The following RCOR1 variants were observed in gnomAD, a reference collection of about 807,000 sequenced individuals.
RCOR1 encodes the protein REST corepressor 1.
RCOR1 carries 12 observed loss-of-function variants against 64.0 expected under a neutral mutation model. The observed-to-expected ratio is 0.19, with a 90% CI of 0.12 to 0.30. The LOEUF (loss-of-function observed/expected upper bound fraction) is 0.30. RCOR1 is among the 10% of genes least tolerant of loss of function. The pLI, the probability that RCOR1 is intolerant of heterozygous loss-of-function variation, is 1.00. For missense variants in RCOR1, 502 were observed against 621.2 expected, an observed-to-expected ratio of 0.81 and a Z score of 2.04; for synonymous variants, 279 against 227.2, an observed-to-expected ratio of 1.23 and a Z score of -2.05.
intron 7 of RCOR1, among the ~76,000 whole-genome samples, chr14:102,713,702 A>T (rs1013052412): frequency 6.6e-6 from 1 of 152,188 alleles, no homozygotes; most frequent in Non-Finnish European, 1.5e-5. Flanking sequence ...ATATTTTTGT[A>T]TTACCCACTT....
intron 8 of RCOR1, among the ~76,000 whole-genome samples, chr14:102,715,293 G>A (rs968411120): frequency 4.6e-5 from 7 of 150,578 alleles, no homozygotes; most frequent in East Asian, 2.0e-4. Context: ...GGATGGTCTC[G>A]ATCTCCTGAT....
intron 8 of RCOR1, among the ~76,000 whole-genome samples, chr14:102,715,375 T>C (rs1896049526): frequency 6.7e-6 from 1 of 149,090 alleles, no homozygotes; most frequent in Non-Finnish European, 1.5e-5. Flanking sequence ...CCGGCCCTGA[T>C]TTTTTTTAAT....
chr14:102,691,228 A>G (rs1340271104), intron 3 of RCOR1, among the ~76,000 whole-genome samples: 1 of 152,220 alleles, frequency 6.6e-6, no homozygotes, highest in Non-Finnish European at 1.5e-5. Flanking sequence ...AATACCACAT[A>G]TTCTCACTTA....
intron 2 of RCOR1, among the ~76,000 whole-genome samples, chr14:102,664,075 C>T (rs1215212860): frequency 6.6e-6 from 1 of 152,138 alleles, no homozygotes; most frequent in Non-Finnish European, 1.5e-5. Flanking sequence ...ATTAGCTGAA[C>T]TCAGATTACT....
At chr14:102,722,469 C>T in intron 11 of RCOR1, 53 bp downstream of exon 11, 1 of 1,432,398 alleles carries the variant, frequency 7.0e-7, no homozygotes, top group Admixed American at 1.9e-5. Context: ...GCTTGATACT[C>T]CAGTTTCTAA....
At chr14:102,664,192 G>A (rs747459741) in intron 2 of RCOR1, among the ~76,000 whole-genome samples, 22 of 152,022 alleles carry the variant, frequency 1.4e-4, no homozygotes, top group South Asian at 4.1e-4. Flanking sequence ...GTCAACCTCC[G>A]CCTCCTGGGT....
chr14:102,698,982 G>C (rs1043888049), intron 3 of RCOR1, among the ~76,000 whole-genome samples: 6 of 151,848 alleles, frequency 4.0e-5, no homozygotes, highest in Admixed American at 1.3e-4. Context: ...TCAGTGGCAC[G>C]ATCTTGGCTC....
At chr14:102,682,921 G>A (rs145537993) in intron 3 of RCOR1, among the ~76,000 whole-genome samples, 1 of 152,114 alleles carries the variant, frequency 6.6e-6, no homozygotes, top group Non-Finnish European at 1.5e-5. Flanking sequence ...GTTCACTCCT[G>A]GGTCATAATC....
At chr14:102,624,078 C>T (rs1893930103) in intron 2 of RCOR1, among the ~76,000 whole-genome samples, 1 of 152,088 alleles carries the variant, frequency 6.6e-6, no homozygotes, top group African/African-American at 2.4e-5. Flanking sequence ...CACCTGTAGT[C>T]CCAGCTACTT....
chr14:102,693,985 A>G (rs1895593667), intron 3 of RCOR1, among the ~76,000 whole-genome samples: 1 of 152,088 alleles, frequency 6.6e-6, no homozygotes. Flanking sequence ...AGTGTGAGCC[A>G]CTGCATCTGG....
Position 102,707,666 on chromosome 14 carries a change from G to A in RCOR1, c.660+154G>A, listed in dbSNP as rs529016433. ...TCAGCTTAGTACATGCTGCTCTGTG[G>A]ATGGGAGTTTTCCAGTTACAGGAGT... On this transcript the variant is annotated intron_variant, in intron 5 of 11. Coordinates refer to ENST00000262241, the MANE Select transcript of RCOR1 (RefSeq NM_015156.4). 9.8e-4 allele frequency among the ~76,000 whole-genome samples: 149 copies of A among 152,168 alleles called. 2 individuals are homozygous for A. In the South Asian group the frequency reaches 0.028, roughly 29 times the overall value.
chr14:102,657,973 A>C lies in RCOR1; in HGVS notation c.362-23922A>C, dbSNP rs114146216. 2.1e-3 allele frequency: 2,054 copies of C among 956,800 alleles called. 35 individuals carry two copies. The African/African-American group carries it at 0.033, about 16-fold the overall frequency. The allele number at this position is 956,800 out of a possible 1,614,324, so 59.3% of individuals were successfully genotyped here. A position where few individuals can be genotyped will look rare whatever the true frequency, so the allele number is the denominator to read the frequency against. On this transcript the variant is annotated intron_variant, in intron 2 of 11. Coordinates refer to ENST00000262241, the MANE Select transcript of RCOR1 (RefSeq NM_015156.4). The stretch of plus-strand genomic sequence containing the variant: ...GTGTTCTTTTTAATTTAATTTAATT[A>C]ATTTTTATTTATTTATTTTGAGACA...
At chr14:102,695,782 C>A (rs566758076) in intron 3 of RCOR1, among the ~76,000 whole-genome samples, 1 of 150,228 alleles carries the variant, frequency 6.7e-6, no homozygotes, top group African/African-American at 2.5e-5. Flanking sequence ...AACTCCTGAC[C>A]TTGTGATCCA....
intron 2 of RCOR1, chr14:102,659,087 G>A (rs933738923): frequency 3.1e-6 from 3 of 978,678 alleles, no homozygotes; most frequent in Non-Finnish European, 3.6e-6. Context: ...ATTCTCCCAC[G>A]AGGAAGCTGC....
At chr14:102,672,365 A>T (rs1895048581) in intron 2 of RCOR1, among the ~76,000 whole-genome samples, 1 of 151,692 alleles carries the variant, frequency 6.6e-6, no homozygotes, top group African/African-American at 2.4e-5. Context: ...GCCCGCCACC[A>T]CACCCAGCTA....
intron 4 of RCOR1, among the ~76,000 whole-genome samples, chr14:102,705,092 C>A (rs1368063030): frequency 6.6e-6 from 1 of 151,914 alleles, no homozygotes; most frequent in Non-Finnish European, 1.5e-5. Context: ...TGTCATTGCA[C>A]TCTAGATCAC....
chr14:102,608,982 CTATT>C (rs1567406134), intron 2 of RCOR1, among the ~76,000 whole-genome samples: 1 of 142,282 alleles, frequency 7.0e-6, no homozygotes, highest in Non-Finnish European at 1.5e-5. Context: ...GGGTATATAT[CTATT>C]AGTGGAATTG....
chr14:102,677,057 G>T (rs1316113263), intron 2 of RCOR1, among the ~76,000 whole-genome samples: 2 of 119,516 alleles, frequency 1.7e-5, no homozygotes, highest in African/African-American at 3.5e-5. Flanking sequence ...CCTCCCGGAC[G>T]GGGCGGCTGG....
At position 102,708,447 on chromosome 14, in the gene RCOR1, C is replaced by G. The variant is rs775703898; in HGVS notation, c.661-18C>G. The G allele has an allele frequency of 4.0e-5, 52 of 1,294,814 alleles. No individual in the cohort carries two copies. In the Middle Eastern group the frequency reaches 5.6e-4, roughly 14 times the overall value. 80.2% of individuals were successfully genotyped at this position (1,294,814 alleles called of 1,614,324 possible). On this transcript the variant is annotated intron_variant, in intron 5 of 11. Transcript: ENST00000262241. ...TTACTTTTTTATTTAAATAAACCAA[C>G]TCATTTTTTATGTTTAGCTTCCAGA...
Sources: allele counts gnomAD v4.1 joint callset (sites outside exome capture counted in the v4.1 genomes callset), GRCh38; gene constraint gnomAD v4.1.1; transcripts MANE v1.5; gene names NCBI Gene and HGNC (gene_info 2026-07-23, HGNC 2026-07-21).